The following IKBKB-DT variants were observed in gnomAD, a reference collection of about 807,000 sequenced individuals.
IKBKB-DT encodes the protein IKBKB antisense RNA.
intron 3 of IKBKB-DT, among the ~76,000 whole-genome samples, chr8:42,234,783 T>A: frequency 6.6e-6 from 1 of 151,894 alleles, no homozygotes; most frequent in Non-Finnish European, 1.5e-5. Flanking sequence ...GTGTCCACCA[T>A]CACGCCTGAC....
At chr8:42,265,881 C>T (rs1807362413) in exon 2 of IKBKB-DT, among the ~76,000 whole-genome samples, 1 of 152,198 alleles carries the variant, frequency 6.6e-6, no homozygotes, top group East Asian at 1.9e-4. Context: ...GGCCCTGCTC[C>T]TCTCAGTTTC....
chr8:42,242,546 T>C (rs1807016297), intron 3 of IKBKB-DT, among the ~76,000 whole-genome samples: 1 of 152,172 alleles, frequency 6.6e-6, no homozygotes, highest in African/African-American at 2.4e-5. Context: ...TGTAGCTGAG[T>C]TCTGTAGAGA....
At chr8:42,258,613 C>T (rs549358187) in intron 3 of IKBKB-DT, among the ~76,000 whole-genome samples, 9 of 152,146 alleles carry the variant, frequency 5.9e-5, no homozygotes, top group East Asian at 5.8e-4. Context: ...GGACTACAGG[C>T]GCCCACCATC....
intron 3 of IKBKB-DT, among the ~76,000 whole-genome samples, chr8:42,242,118 G>A (rs1289699791): frequency 1.3e-5 from 2 of 152,172 alleles, no homozygotes; most frequent in Non-Finnish European, 2.9e-5. Flanking sequence ...AGGAGGCTGA[G>A]GCAGGAGAAT....
At chr8:42,236,810 A>T (rs1290083166) in intron 3 of IKBKB-DT, among the ~76,000 whole-genome samples, 1 of 152,194 alleles carries the variant, frequency 6.6e-6, no homozygotes, top group Non-Finnish European at 1.5e-5. Flanking sequence ...TATCCATATA[A>T]CCAAAGTGAA....
At chr8:42,269,419 G>A (rs1288963253) in intron 1 of IKBKB-DT, among the ~76,000 whole-genome samples, 1 of 121,066 alleles carries the variant, frequency 8.3e-6, no homozygotes, top group Non-Finnish European at 1.7e-5. Flanking sequence ...CTAGCAGCTG[G>A]GAAGGGAAGG....
intron 1 of IKBKB-DT, among the ~76,000 whole-genome samples, chr8:42,266,706 C>T (rs1346124611): frequency 1.3e-5 from 2 of 152,154 alleles, no homozygotes; most frequent in African/African-American, 4.8e-5. Flanking sequence ...GCAGATAAAA[C>T]AGGTTTCGGT....
chr8:42,236,936 T>A (rs1340592820), intron 3 of IKBKB-DT, among the ~76,000 whole-genome samples: 1 of 151,254 alleles, frequency 6.6e-6, no homozygotes, highest in Non-Finnish European at 1.5e-5. Flanking sequence ...CCCAGGCCGG[T>A]CTTGAGCTCT....
intron 3 of IKBKB-DT, among the ~76,000 whole-genome samples, chr8:42,254,417 GCCA>G (rs1400421526): frequency 4.6e-5 from 7 of 151,864 alleles, no homozygotes; most frequent in East Asian, 3.9e-4. Context: ...CCTCTGCCCA[GCCA>G]CCGCCCCGTC....
At chr8:42,269,202 C>A (rs913346081) in intron 1 of IKBKB-DT, among the ~76,000 whole-genome samples, 2 of 151,120 alleles carry the variant, frequency 1.3e-5, no homozygotes, top group African/African-American at 4.9e-5. Context: ...TGCCTGTAAT[C>A]TCAGCTAGTG....
intron 3 of IKBKB-DT, among the ~76,000 whole-genome samples, chr8:42,248,750 G>A (rs1346391261): frequency 5.3e-5 from 8 of 151,724 alleles, no homozygotes; most frequent in Admixed American, 5.3e-4. Flanking sequence ...GTGGTGACAG[G>A]CACCTGTAGT....
chr8:42,259,204 T>C (rs775771434), intron 3 of IKBKB-DT, among the ~76,000 whole-genome samples: 47 of 152,150 alleles, frequency 3.1e-4, no homozygotes, highest in Non-Finnish European at 6.3e-4. Context: ...TTTGTATTTT[T>C]AGTAGAGACA....
At chr8:42,239,613 T>TA (rs1806972043) in intron 3 of IKBKB-DT, among the ~76,000 whole-genome samples, 7 of 68,480 alleles carry the variant, frequency 1.0e-4, no homozygotes, top group South Asian at 1.1e-3. Context: ...TAAAAGGCAA[T>TA]TTATATATAT....
chr8:42,249,252 C>A (rs1807099987), intron 3 of IKBKB-DT: 2 of 151,888 alleles, frequency 1.3e-5, no homozygotes, highest in South Asian at 4.1e-4. Context: ...GCCTGTGGTC[C>A]CAGTTTCTTG....
rs182064003 is a variant in IKBKB-DT, at chr8:42,241,840, T to C, written n.1530-7981A>G. Reference sequence around the variant, plus strand: ...AGAGAATGGGTAGAACTGGTTAGTATGGAACTCAAGCTTCAGTTAGATGGT... The same window carrying C: ...AGAGAATGGGTAGAACTGGTTAGTACGGAACTCAAGCTTCAGTTAGATGGT... On this transcript the variant is annotated intron_variant and non_coding_transcript_variant, in intron 3 of 3. Transcript: ENST00000518213. Among the ~76,000 whole-genome samples, 1,007 of 152,278 alleles carry C rather than the reference T, an allele frequency of 6.6e-3. 7 individuals carry two copies. Among genetic ancestry groups the C allele is most frequent in the Middle Eastern group, 0.01 (3 of 294 alleles).
At chr8:42,239,886 G>A (rs1806978403) in intron 3 of IKBKB-DT, among the ~76,000 whole-genome samples, 1 of 151,540 alleles carries the variant, frequency 6.6e-6, no homozygotes, top group Non-Finnish European at 1.5e-5. Context: ...TGATCCACCT[G>A]GCTCAGCCTC....
At chr8:42,271,241 G>C (rs1472846723) in exon 1 of IKBKB-DT, 1 of 682,200 alleles carries the variant, frequency 1.5e-6, no homozygotes, top group Non-Finnish European at 2.7e-6. Flanking sequence ...GCAGCATCCG[G>C]ACCTGGTCTG....
intron 3 of IKBKB-DT, among the ~76,000 whole-genome samples, chr8:42,262,436 T>TTATTTATTTATTTATA (rs1286127473): frequency 6.6e-6 from 1 of 151,286 alleles, no homozygotes; most frequent in African/African-American, 2.4e-5. Context: ...TTTTATTTAT[T>TTATTTATTTATTTATA]TATTTATTTA....
At chr8:42,235,312 C>A (rs1386680672) in intron 3 of IKBKB-DT, among the ~76,000 whole-genome samples, 1 of 147,180 alleles carries the variant, frequency 6.8e-6, no homozygotes, top group Non-Finnish European at 1.5e-5. Context: ...TCAAGTGATT[C>A]TCGTGCCTCA....
Sources: allele counts gnomAD v4.1 joint callset (sites outside exome capture counted in the v4.1 genomes callset), GRCh38; gene constraint gnomAD v4.1.1; transcripts MANE v1.5; gene names NCBI Gene and HGNC (gene_info 2026-07-23, HGNC 2026-07-21).